The following MAPK15 variants were observed in gnomAD, a reference collection of about 807,000 sequenced individuals.
The protein encoded by MAPK15 is mitogen-activated protein kinase 15, also known as ERK-7.
Under a neutral mutation model 60.8 loss-of-function variants are expected in MAPK15, and 61 were observed. The ratio of observed to expected loss-of-function variants is 1.00; its 90% confidence interval spans 0.82 to 1.24. MAPK15 has a LOEUF of 1.24. MAPK15 is among the 50% of genes most tolerant of loss of function. The pLI is 0.00. For synonymous variants in MAPK15, 356 were observed against 319.9 expected (o/e 1.11, Z -1.21); for missense variants, 808 against 741.1 (o/e 1.09, Z -1.05).
At position 143,721,600 on chromosome 8, in the gene MAPK15, T is replaced by C. The variant is rs781913233; in HGVS notation, c.1256T>C (p.Leu419Pro). Reference sequence around the variant, plus strand: ...CCCAGGCAGAACTCCGCTCCCCTGCTCCAAACTGCTCTCCTAGGGAATGGG... The same window carrying C: ...CCCAGGCAGAACTCCGCTCCCCTGCCCCAAACTGCTCTCCTAGGGAATGGG... ...NVPRQNSAPLLQTALLGNGER... is the reference protein window; with the variant it reads ...NVPRQNSAPLPQTALLGNGER... Residue 419 changes from leucine (L) to proline (P), a missense_variant, in exon 12 of 14, where the codon CTC becomes CCC. Physicochemically the swap from Leu to Pro is moderately conservative, Grantham distance 98. Coordinates refer to ENST00000338033, the MANE Select transcript of MAPK15 (RefSeq NM_139021.3). The C allele has an allele frequency of 3.0e-5, 48 of 1,612,924 alleles. No individual in the cohort carries two copies. The Middle Eastern group carries it at 1.2e-3, about 39-fold the overall frequency.
chr8:143,716,911 A>G (rs1817833857), intron 1 of MAPK15, among the ~76,000 whole-genome samples: 6 of 150,670 alleles, frequency 4.0e-5, no homozygotes, highest in Admixed American at 3.3e-4. Context: ...TGTGTGTGTG[A>G]GCATGTAAGC....
chr8:143,717,225 G>C (rs957494205), intron 1 of MAPK15, among the ~76,000 whole-genome samples: 6 of 152,160 alleles, frequency 3.9e-5, no homozygotes, highest in Non-Finnish European at 7.3e-5. Flanking sequence ...GCACGGGAGC[G>C]GCAGACGGAG....
At position 143,718,012 on chromosome 8, in the gene MAPK15, C is replaced by T. The variant is rs372524825; in HGVS notation, c.166-35C>T. ...CAGGACATGGGCTTCCTTCTTGCTC[C>T]ACCCACCCACACACCTGTGTTTCTG... On this transcript the variant is annotated intron_variant, in intron 2 of 13. Coordinates refer to ENST00000338033, the MANE Select transcript of MAPK15 (RefSeq NM_139021.3). 6.3e-5 allele frequency: 101 copies of T among 1,613,916 alleles called. No homozygotes were observed. In the South Asian group the frequency reaches 9.6e-4, roughly 15 times the overall value.
rs782604678 is a variant in MAPK15, at chr8:143,719,155, C to T, written c.580C>T (p.Arg194Ter). ...ACCGGAGGTGCTGCTCTCTTCGCAC[C>T]GGTAATAGCGAGACATCCCCAACCC... Reference protein sequence around the residue: ...RAPEVLLSSHRYTLGVDMWSL... With the variant: ...RAPEVLLSSH Residue 194 changes from arginine (R) to a stop codon, truncating the protein, a stop_gained and splice_region_variant, in exon 6 of 14, where the codon CGA becomes TGA. Coordinates refer to ENST00000338033, the MANE Select transcript of MAPK15 (RefSeq NM_139021.3). LOFTEE classifies it high-confidence loss of function. The T allele has an allele frequency of 6.1e-5, 94 of 1,530,744 alleles. No homozygotes were observed. Among genetic ancestry groups the T allele is most frequent in the South Asian group, 1.2e-4 (10 of 82,246 alleles). 94.8% of individuals were successfully genotyped at this position (1,530,744 alleles called of 1,614,324 possible).
In MAPK15 at chr8:143,721,839, T is replaced by C; in HGVS notation, c.1417T>C (p.Trp473Arg). 6.2e-7 allele frequency: 1 copy of C among 1,609,092 alleles called. No homozygotes were observed. The highest frequency in any genetic ancestry group is 8.5e-7 in the Non-Finnish European group (1 of 1,177,934). The change falls in exon 13 of 14, where the codon TGG becomes CGG. Residue 473 changes from tryptophan to arginine, a missense_variant. Physicochemically the swap from Trp to Arg is moderately radical, Grantham distance 101. Transcript: ENST00000338033. ...CAACCAGGCCCTGATCCGGGGTGACTGGAACCGGGGCGGTGGGGTGAGGGT... is the reference window on the plus strand; with the variant it reads ...CAACCAGGCCCTGATCCGGGGTGACCGGAACCGGGGCGGTGGGGTGAGGGT... ...VANQALIRGDWNRGGGVRVAS... is the reference protein window; with the variant it reads ...VANQALIRGDRNRGGGVRVAS...
Position 143,721,112 on chromosome 8 carries a change from C to T in MAPK15, c.1023+7C>T, listed in dbSNP as rs374044358. ...CCGCAGCCGCGTCTATCAGGTGCTC[C>T]GGCTCTCGACCCCTATCATCCCCTG... is the stretch of plus-strand genomic sequence containing the variant. On this transcript the variant is annotated splice_region_variant and intron_variant, in intron 10 of 13. Transcript: ENST00000338033. 214 of 1,608,310 alleles carry T rather than the reference C, an allele frequency of 1.3e-4. No homozygotes were observed. The highest frequency in any genetic ancestry group is 1.6e-4 in the Non-Finnish European group (183 of 1,177,240).
chr8:143,720,932 C>T lies in MAPK15; in HGVS notation c.918-68C>T. ...TGAGGGACAGCCCCCACAGCAGGGA[C>T]CCTGCTGTGACGGCTTGAGGGGCTC... is the stretch of plus-strand genomic sequence containing the variant. On this transcript the variant is annotated intron_variant, in intron 9 of 13. Coordinates refer to ENST00000338033, the MANE Select transcript of MAPK15 (RefSeq NM_139021.3). This position sits in a 1 kb window ranked among gnomAD's most constrained non-coding sequence, Gnocchi z 4.6. 4 of 1,580,380 alleles carry T rather than the reference C, an allele frequency of 2.5e-6. No individual in the cohort carries two copies. The highest frequency in any genetic ancestry group is 3.4e-6 in the Non-Finnish European group (4 of 1,162,294).
intron 1 of MAPK15, 56 bp downstream of exon 1, chr8:143,716,499 A>G: frequency 2.0e-6 from 3 of 1,526,944 alleles, no homozygotes; most frequent in Admixed American, 2.0e-5. Flanking sequence ...CTGCGGAGAG[A>G]GGACCTGCGG....
At position 143,721,637 on chromosome 8, in the gene MAPK15, T is replaced by G; in HGVS notation, c.1293T>G (p.Pro431=). 2 of 1,610,588 alleles carry G rather than the reference T, an allele frequency of 1.2e-6. No individual in the cohort carries two copies. Among genetic ancestry groups the G allele is most frequent in the East Asian group, 4.5e-5 (2 of 44,820 alleles). Residue 431 remains proline (P), a synonymous_variant, in exon 12 of 14, where the codon CCT becomes CCG. Coordinates refer to ENST00000338033, the MANE Select transcript of MAPK15 (RefSeq NM_139021.3). The part of the protein sequence containing the change: ...TALLGNGERP[P]GAKEAPPLTL... Reference sequence around the variant, plus strand: ...TCCTAGGGAATGGGGAAAGGCCCCCTGGGGCGAAGGAAGCGCCCCCCTTGA... The same window carrying G: ...TCCTAGGGAATGGGGAAAGGCCCCCGGGGGCGAAGGAAGCGCCCCCCTTGA...
At chr8:143,721,993 C>A in intron 13 of MAPK15, 82 bp from the exon 14 acceptor site, 1 of 1,530,214 alleles carries the variant, frequency 6.5e-7, no homozygotes, top group South Asian at 1.2e-5. Flanking sequence ...ATGTCCAGTT[C>A]AAATCTCTCG....
intron 13 of MAPK15, 64 bp downstream of exon 13, chr8:143,721,944 C>A: frequency 6.7e-7 from 1 of 1,490,664 alleles, no homozygotes; most frequent in Non-Finnish European, 9.0e-7. Flanking sequence ...TTCCCCCCTG[C>A]TTTTCCCTCC....
chr8:143,717,754 A>T lies in MAPK15; in HGVS notation c.127A>T (p.Lys43Ter). The T allele has an allele frequency of 1.9e-6, 3 of 1,612,544 alleles. No individual in the cohort carries two copies. The South Asian group carries it at 3.3e-5, about 18-fold the overall frequency. The stretch of plus-strand genomic sequence containing the variant: ...GACTGGTGAGGTCGTGGCCATCAAG[A>T]AAATCTTTGATGCTTTTAGGGATAA... ...RRTGEVVAIK[K>*]IFDAFRDKTD... The change falls in exon 2 of 14, where the codon AAA becomes TAA. Residue 43 changes from lysine to a stop codon, truncating the protein, a stop_gained. Coordinates refer to ENST00000338033, the MANE Select transcript of MAPK15 (RefSeq NM_139021.3). LOFTEE classifies it high-confidence loss of function.
At chr8:143,719,275 C>G in intron 6 of MAPK15, 68 bp from the exon 7 acceptor site, 1 of 1,532,692 alleles carries the variant, frequency 6.5e-7, no homozygotes, top group Non-Finnish European at 8.8e-7. Flanking sequence ...CCCCCATTCA[C>G]CCCCCAGCAA....
chr8:143,720,089 G>T lies in MAPK15; in HGVS notation c.722-141G>T. ...CTGGGTGGCACGCCCTGGTGATGGGGTGTTTGAGCCCCGCCAGACAGCAGA... is the reference window on the plus strand; with the variant it reads ...CTGGGTGGCACGCCCTGGTGATGGGTTGTTTGAGCCCCGCCAGACAGCAGA... On this transcript the variant is annotated intron_variant, in intron 7 of 13. Coordinates refer to ENST00000338033, the MANE Select transcript of MAPK15 (RefSeq NM_139021.3). This position sits in a 1 kb window ranked among gnomAD's most constrained non-coding sequence, Gnocchi z 4.6. The T allele has an allele frequency of 8.0e-7, 1 of 1,249,018 alleles. No individual in the cohort carries two copies. Among genetic ancestry groups the T allele is most frequent in the South Asian group, 1.4e-5 (1 of 72,676 alleles). The allele number at this position is 1,249,018 out of a possible 1,614,324, so 77.4% of individuals were successfully genotyped here.
At position 143,721,042 on chromosome 8, in the gene MAPK15, G is replaced by A. The variant is rs1158341534; in HGVS notation, c.960G>A (p.Val320=). The change falls in exon 10 of 14, where the codon GTG becomes GTA. Residue 320 remains valine (V), a synonymous_variant. Transcript: ENST00000338033. ...PSDEWAREAD[V]RPRAHEGVQL... ...ACGAGTGGGCACGAGAGGCAGATGT[G>A]CGGCCCCGGGCACACGAAGGGGTCC... is the stretch of plus-strand genomic sequence containing the variant. The A allele has an allele frequency of 3.7e-6, 6 of 1,611,838 alleles. No homozygotes were observed. The highest frequency in any genetic ancestry group is 5.1e-6 in the Non-Finnish European group (6 of 1,179,580).
At chr8:143,718,722 A>AC in intron 4 of MAPK15, 53 bp from the exon 5 acceptor site, 21 of 164,116 alleles carry the variant, frequency 1.3e-4, no homozygotes, top group South Asian at 5.2e-4. Flanking sequence ...CACTCCCCCC[A>AC]GGTTGCCCCC....
Position 143,722,258 on chromosome 8 carries a change from C to A in MAPK15, c.*7C>A. ...GGAGGGGCACCATGTGTGAGCCGCC[C>A]TACTCCCTTCACCTGGCCCTCTGTT... On this transcript the variant is annotated 3_prime_UTR_variant, in exon 14 of 14. Coordinates refer to ENST00000338033, the MANE Select transcript of MAPK15 (RefSeq NM_139021.3). The A allele has an allele frequency of 6.4e-7, 1 of 1,556,920 alleles. No individual in the cohort carries two copies. The highest frequency in any genetic ancestry group is 1.8e-5 in the Admixed American group (1 of 54,512).
In MAPK15 at chr8:143,720,143, G is replaced by T. The variant is rs1817989016; in HGVS notation, c.722-87G>T. Reference sequence around the variant, plus strand: ...CCTGTAGAGAGGCTGTGCTCCCTGGGGCTGGAAGAGATGACTGGCCCCAGA... The same window carrying T: ...CCTGTAGAGAGGCTGTGCTCCCTGGTGCTGGAAGAGATGACTGGCCCCAGA... On this transcript the variant is annotated intron_variant, in intron 7 of 13. Transcript: ENST00000338033. This position sits in a 1 kb window ranked among gnomAD's most constrained non-coding sequence, Gnocchi z 4.6. 1 of 1,524,056 alleles carries T rather than the reference G, an allele frequency of 6.6e-7. No individual in the cohort carries two copies. The highest frequency in any genetic ancestry group is 8.8e-7 in the Non-Finnish European group (1 of 1,135,702). 94.4% of individuals were successfully genotyped at this position (1,524,056 alleles called of 1,614,324 possible).
chr8:143,717,836 G>A (rs781814087), intron 2 of MAPK15, 44 bp downstream of exon 2: 3 of 1,564,372 alleles, frequency 1.9e-6, no homozygotes, highest in South Asian at 1.1e-5. Context: ...GGGGCAGGGA[G>A]GGGCAGCCCC....
Sources: gnomAD v4.1 joint callset for allele counts (sites outside exome capture counted in the v4.1 genomes callset) on GRCh38, gnomAD v4.1.1 for gene constraint, Gnocchi (gnomAD v3.1) non-coding constraint, MANE v1.5 for transcripts, NCBI Gene and HGNC (gene_info 2026-07-23, HGNC 2026-07-21) for gene names.